The following CNTN5 variants were observed in gnomAD, a reference collection of about 807,000 sequenced individuals.
CNTN5 encodes contactin-5.
A neutral mutation model predicts 129.1 loss-of-function variants in CNTN5; 77 were observed. The observed-to-expected ratio is 0.60, with a 90% CI of 0.50 to 0.72. The LOEUF (loss-of-function observed/expected upper bound fraction) is 0.72. Among genes scored for constraint, CNTN5 ranks in the 30% least tolerant of loss-of-function variants. The pLI, the probability that CNTN5 is intolerant of heterozygous loss-of-function variation, is 0.00. For missense variants in CNTN5, 1,478 were observed against 1,328.8 expected (o/e 1.11, Z -1.75); for synonymous variants, 509 against 465.6 (o/e 1.09, Z -1.20).
chr11:100,077,558 T>G (rs1398445586), intron 13 of CNTN5, among the ~76,000 whole-genome samples: 2 of 152,048 alleles, frequency 1.3e-5, no homozygotes, highest in African/African-American at 4.8e-5. Flanking sequence ...ACAGTTCTCA[T>G]GCCTATAATC....
intron 21 of CNTN5, among the ~76,000 whole-genome samples, chr11:100,328,484 G>A (rs1286523000): frequency 1.3e-5 from 2 of 152,178 alleles, no homozygotes; most frequent in Non-Finnish European, 2.9e-5. Context: ...AAGTCCGGCT[G>A]AGGAGGCCTC....
At chr11:100,294,703 T>G (rs114880389) in intron 18 of CNTN5, among the ~76,000 whole-genome samples, 8 of 151,790 alleles carry the variant, frequency 5.3e-5, no homozygotes, top group African/African-American at 1.7e-4. Context: ...GCAAAAGCAT[T>G]TATTAGATAT....
intron 3 of CNTN5, among the ~76,000 whole-genome samples, chr11:99,577,878 G>A (rs1390011403): frequency 6.6e-6 from 1 of 151,602 alleles, no homozygotes; most frequent in Non-Finnish European, 1.5e-5. Flanking sequence ...TGCACAACGT[G>A]CAGGTTTGTT....
chr11:99,364,611 C>T (rs1321612331), intron 2 of CNTN5, among the ~76,000 whole-genome samples: 1 of 152,014 alleles, frequency 6.6e-6, no homozygotes, highest in Non-Finnish European at 1.5e-5. Flanking sequence ...ACCATTAATA[C>T]TGTTCATAAT....
At chr11:99,313,291 T>C (rs1419769016) in intron 1 of CNTN5, among the ~76,000 whole-genome samples, 2 of 152,100 alleles carry the variant, frequency 1.3e-5, no homozygotes, top group African/African-American at 4.8e-5. Context: ...ATGTAAATCA[T>C]TGTGACCCAT....
chr11:99,124,720 A>G (rs183945341), intron 1 of CNTN5, among the ~76,000 whole-genome samples: 1 of 152,024 alleles, frequency 6.6e-6, no homozygotes, highest in Admixed American at 6.6e-5. Context: ...TGCTAGCTAG[A>G]GTAATAAGGG....
intron 1 of CNTN5, among the ~76,000 whole-genome samples, chr11:99,317,303 C>T (rs527674382): frequency 9.2e-5 from 14 of 152,218 alleles, no homozygotes; most frequent in African/African-American, 3.4e-4. Flanking sequence ...TGACCCTACA[C>T]TGAGGCAGCC....
intron 10 of CNTN5, among the ~76,000 whole-genome samples, chr11:100,069,444 G>A (rs1035511318): frequency 2.6e-5 from 4 of 152,032 alleles, no homozygotes; most frequent in South Asian, 2.1e-4. Flanking sequence ...CATGAGCACC[G>A]TCCCAGGTCC....
intron 1 of CNTN5, among the ~76,000 whole-genome samples, chr11:99,140,790 C>T (rs1859473699): frequency 6.6e-6 from 1 of 151,876 alleles, no homozygotes; most frequent in Non-Finnish European, 1.5e-5. Flanking sequence ...TGGGATGAAT[C>T]ACATTTATTC....
At chr11:100,028,441 C>T (rs1226396821) in intron 9 of CNTN5, among the ~76,000 whole-genome samples, 13 of 152,126 alleles carry the variant, frequency 8.5e-5, no homozygotes, top group Admixed American at 8.5e-4. Flanking sequence ...TTAGATTTCT[C>T]CAAGAGACTC....
chr11:99,099,966 A>G (rs1866645364), intron 1 of CNTN5, among the ~76,000 whole-genome samples: 1 of 152,136 alleles, frequency 6.6e-6, no homozygotes, highest in Non-Finnish European at 1.5e-5. Flanking sequence ...ATTTGGTTGA[A>G]ATCATATTCT....
At chr11:99,994,985 T>G (rs7114710) in intron 8 of CNTN5, among the ~76,000 whole-genome samples, 57,114 of 151,682 alleles carry the variant, frequency 0.38, 12,188 homozygotes, top group African/African-American at 0.59. Context: ...AAGAAGCAGA[T>G]GAAGCAAACA....
intron 1 of CNTN5, among the ~76,000 whole-genome samples, chr11:99,284,605 GTGTGTGTGTGT>G (rs1395758390): frequency 1.0e-3 from 2 of 1,994 alleles, no homozygotes; most frequent in African/African-American, 7.2e-3. Flanking sequence ...TGAGTGGTGT[GTGTGTGTGTGT>G]GTGTGTGTGT....
At chr11:99,306,826 A>C (rs986013444) in intron 1 of CNTN5, among the ~76,000 whole-genome samples, 1 of 151,370 alleles carries the variant, frequency 6.6e-6, no homozygotes, top group Non-Finnish European at 1.5e-5. Flanking sequence ...TAACCATGTT[A>C]ATCATTTTTA....
At chr11:100,204,321 T>C (rs1407908298) in intron 15 of CNTN5, among the ~76,000 whole-genome samples, 1 of 107,230 alleles carries the variant, frequency 9.3e-6, no homozygotes. Context: ...TATATATATA[T>C]ATATATATAT....
intron 18 of CNTN5, among the ~76,000 whole-genome samples, chr11:100,286,006 G>A (rs192043214): frequency 6.8e-4 from 103 of 152,326 alleles, no homozygotes; most frequent in African/African-American, 2.4e-3. Context: ...GACGCACCTG[G>A]AAAATCGGGT....
At chr11:99,065,070 T>C (rs1317362760) in intron 1 of CNTN5, among the ~76,000 whole-genome samples, 1 of 152,114 alleles carries the variant, frequency 6.6e-6, no homozygotes, top group Non-Finnish European at 1.5e-5. Context: ...CTCTTTATAA[T>C]GAAAACATTA....
At chr11:99,648,462 G>A (rs1387950442) in intron 3 of CNTN5, among the ~76,000 whole-genome samples, 9 of 151,894 alleles carry the variant, frequency 5.9e-5, no homozygotes, top group Admixed American at 5.9e-4. Flanking sequence ...CTTGTATGCT[G>A]TTGGTAGGAA....
chr11:99,432,817 C>A lies in CNTN5; in HGVS notation c.-71+107333C>A, dbSNP rs375382099. Among the ~76,000 whole-genome samples, 175 of 150,794 alleles carry A rather than the reference C, an allele frequency of 1.2e-3. 3 individuals are homozygous for A. In the East Asian group the frequency reaches 0.029, roughly 25 times the overall value. On this transcript the variant is annotated intron_variant, in intron 2 of 24. Transcript: ENST00000524871. ...GATGCTATATATATGGAGTGGCTGGCGGAAGTATGATGGGTGGCTGAATTA... is the reference window on the plus strand; with the variant it reads ...GATGCTATATATATGGAGTGGCTGGAGGAAGTATGATGGGTGGCTGAATTA...
Sources: gnomAD v4.1 joint callset for allele counts (sites outside exome capture counted in the v4.1 genomes callset) on GRCh38, gnomAD v4.1.1 for gene constraint, MANE v1.5 for transcripts, NCBI Gene and HGNC (gene_info 2026-07-23, HGNC 2026-07-21) for gene names.